TTN: variants seen among roughly 807,000 people sequenced by gnomAD.
The protein encoded by TTN is titin.
A neutral mutation model predicts 3,223.0 loss-of-function variants in TTN; 1,525 were observed. That is an observed-to-expected ratio of 0.47 (90% CI 0.45 to 0.49). The LOEUF (loss-of-function observed/expected upper bound fraction) is 0.49. TTN is among the 20% of genes least tolerant of loss of function. The probability of loss-of-function intolerance (pLI) is 0.00; values close to 1 mark genes in which losing one functional copy is unlikely to be tolerated. For synonymous variants in TTN, 14,094 were observed against 15,161.0 expected, an observed-to-expected ratio of 0.93 and a Z score of 5.17; for missense variants, 40,786 against 43,424.0, an observed-to-expected ratio of 0.94 and a Z score of 5.40.
rs761971680 is a variant in TTN, at chr2:178,548,702, G to T, written c.92924C>A (p.Thr30975Lys). ...CACAGTGAGGGTGCTGAAGGAATCTGTTGTATGGATATCAGCCCGAAGGCT... is the reference window on the plus strand; with the variant it reads ...CACAGTGAGGGTGCTGAAGGAATCTTTTGTATGGATATCAGCCCGAAGGCT... ...NLSLRADIHT[T>K]DSFSTLTVEN... Residue 30975 changes from threonine (T) to lysine (K), a missense_variant, in exon 339 of 363, where the codon ACA becomes AAA. Physicochemically the swap from Thr to Lys is moderately conservative, Grantham distance 78 (BLOSUM62 -1). Transcript: ENST00000589042. The surrounding 1 kb of genome is among the most constrained non-coding windows in gnomAD (Gnocchi z 4.3). 8.1e-6 allele frequency: 13 copies of T among 1,613,754 alleles called. No homozygotes were observed. The Admixed American group carries it at 1.0e-4, about 12-fold the overall frequency.
Position 178,746,793 on chromosome 2 carries a change from T to C in TTN, c.11312-4872A>G. The C allele has an allele frequency of 2.5e-6, 4 of 1,613,396 alleles. No individual in the cohort carries two copies. The highest frequency in any genetic ancestry group is 3.4e-6 in the Non-Finnish European group (4 of 1,179,562). On this transcript the variant is annotated intron_variant, in intron 47 of 362. Coordinates refer to ENST00000589042, the MANE Select transcript of TTN (RefSeq NM_001267550.2). ...ACTGGAAGACCTTCAACTTCAACAA[T>C]GAAGCCTAGTGTTGTGTTTTCATAT...
chr2:178,729,486 C>T lies in TTN; in HGVS notation c.18670G>A (p.Gly6224Arg), dbSNP rs2154307306. The stretch of plus-strand genomic sequence containing the variant: ...CAAGTGACTTCAAACGGAGGTGTTC[C>T]CGTAACTTCACACTCCAGCTCCACG... Reference protein sequence around the residue: ...SDVELECEVTGTPPFEVTWLK... With the variant: ...SDVELECEVTRTPPFEVTWLK... The change falls in exon 64 of 363, where the codon GGA (glycine) becomes AGA (arginine). Residue 6224 changes from glycine to arginine, a missense_variant. By Grantham distance (125) the Gly-to-Arg change is moderately radical. Transcript: ENST00000589042. 1 of 1,613,578 alleles carries T rather than the reference C, an allele frequency of 6.2e-7. No individual in the cohort carries two copies. The highest frequency in any genetic ancestry group is 8.5e-7 in the Non-Finnish European group (1 of 1,179,636).
In TTN at chr2:178,607,514, G is replaced by A; in HGVS notation, c.53174C>T (p.Thr17725Ile). Residue 17725 changes from threonine (T) to isoleucine (I), a missense_variant, in exon 277 of 363, where the codon ACC becomes ATC. Coordinates refer to ENST00000589042, the MANE Select transcript of TTN (RefSeq NM_001267550.2). ...ATCCTTGATAATTAGTTCAGATTTG[G>A]TTCCAACGTTGTCTATTACAACACG... ...KDRVVIDNVG[T>I]KSELIIKDAL... is the part of the protein sequence containing the mutation. The A allele has an allele frequency of 6.2e-7, 1 of 1,613,178 alleles. No homozygotes were observed. The highest frequency in any genetic ancestry group is 1.7e-5 in the Admixed American group (1 of 59,974).
chr2:178,769,211 C>T (rs899765494), intron 37 of TTN, among the ~76,000 whole-genome samples: 5 of 151,400 alleles, frequency 3.3e-5, no homozygotes, highest in Non-Finnish European at 7.4e-5. Flanking sequence ...GATACTAGTG[C>T]TTTACTCAGT....
intron 354 of TTN, 54 bp from the exon 355 acceptor site, chr2:178,537,971 C>T: frequency 7.0e-7 from 1 of 1,424,762 alleles, no homozygotes; most frequent in Non-Finnish European, 9.4e-7. Context: ...ATCTGTAATC[C>T]TTTGTCCTTG....
At chr2:178,789,589 TG>T in intron 12 of TTN, 92 bp from the exon 13 acceptor site, 1 of 1,529,584 alleles carries the variant, frequency 6.5e-7, no homozygotes, top group East Asian at 2.3e-5. Context: ...GGATGCAAGA[TG>T]GTTATTCAGG....
intron 45 of TTN, 47 bp from the exon 46 acceptor site, chr2:178,756,844 G>A: frequency 6.4e-7 from 1 of 1,550,478 alleles, no homozygotes; most frequent in South Asian, 1.2e-5. Flanking sequence ...TAAGATCTAA[G>A]CTTTGTCACT....
In TTN at chr2:178,597,581, A is replaced by G. The variant is rs780536141; in HGVS notation, c.57501T>C (p.Asn19167=). 7 of 1,612,676 alleles carry G rather than the reference A, an allele frequency of 4.3e-6. No individual in the cohort carries two copies. The African/African-American group carries it at 8.0e-5, about 18-fold the overall frequency. Residue 19167 remains asparagine, a synonymous_variant, in exon 294 of 363, where the codon AAT becomes AAC. Transcript: ENST00000589042. ...HQGVYSLLAK[N]EAGERKKTII... ...TTGTCTTCTTTCTTTCTCCGGCTTC[A>G]TTTTTGGCAAGAAGAGAATAGACGC...
intron 49 of TTN, 49 bp downstream of exon 49, chr2:178,738,030 GACA>G: frequency 5.1e-6 from 8 of 1,575,788 alleles, no homozygotes; most frequent in African/African-American, 2.7e-5. Flanking sequence ...AAGCAAAAAG[GACA>G]ACAATATGAA....
intron 213 of TTN, among the ~76,000 whole-genome samples, chr2:178,648,945 T>C (rs1234429758): frequency 6.6e-6 from 1 of 152,172 alleles, no homozygotes; most frequent in Non-Finnish European, 1.5e-5. Context: ...ATTTTTCTAA[T>C]ATGATGTCTT....
intron 336 of TTN, 67 bp from the exon 337 acceptor site, chr2:178,550,340 T>C: frequency 1.5e-6 from 2 of 1,335,298 alleles, no homozygotes; most frequent in Non-Finnish European, 2.0e-6. Context: ...ATATATATTT[T>C]TCAGTAGTGC....
chr2:178,746,313 C>T lies in TTN; in HGVS notation c.11312-4392G>A, dbSNP rs564963420. 6.2e-6 allele frequency: 10 copies of T among 1,612,468 alleles called. No individual in the cohort carries two copies. The highest frequency in any genetic ancestry group is 8.5e-6 in the Non-Finnish European group (10 of 1,179,462). On this transcript the variant is annotated intron_variant, in intron 47 of 362. Coordinates refer to ENST00000589042, the MANE Select transcript of TTN (RefSeq NM_001267550.2). ...ATTTTTAGTTCTTTGTCTTCTCCCT[C>T]CCTTGAATCCATATTTGGATCTACA...
rs1433829695 is a variant in TTN at position 178,636,056 on chromosome 2, T to C, written c.41515A>G (p.Ile13839Val). 3.7e-6 allele frequency: 6 copies of C among 1,613,218 alleles called. No homozygotes were observed. Among genetic ancestry groups the C allele is most frequent in the Non-Finnish European group, 4.2e-6 (5 of 1,179,542 alleles). Residue 13839 changes from isoleucine (I) to valine (V), a missense_variant, in exon 226 of 363, where the codon ATC (isoleucine) becomes GTC (valine). Physicochemically the swap from Ile to Val is conservative, Grantham distance 29 (BLOSUM62 3). Coordinates refer to ENST00000589042, the MANE Select transcript of TTN (RefSeq NM_001267550.2). The surrounding 1 kb of genome is among the most constrained non-coding windows in gnomAD (Gnocchi z 4.3). ...GVIGLMRALT[I>V]NDADDTDAGT... ...GCATCTGTGTCATCTGCATCGTTGATGGTCAGAGCCCGCATCAAGCCAATG... is the reference window on the plus strand; with the variant it reads ...GCATCTGTGTCATCTGCATCGTTGACGGTCAGAGCCCGCATCAAGCCAATG...
In TTN at chr2:178,702,210, C is replaced by G; in HGVS notation, c.30469G>C (p.Gly10157Arg). The change falls in exon 108 of 363, where the codon GGT (glycine) becomes CGT (arginine). Residue 10157 changes from glycine (G) to arginine (R), a missense_variant. Physicochemically the swap from Gly to Arg is moderately radical, Grantham distance 125. Coordinates refer to ENST00000589042, the MANE Select transcript of TTN (RefSeq NM_001267550.2). Reference protein sequence around the residue: ...YSVIARLEPRGEARSTAELYL... With the variant: ...YSVIARLEPRREARSTAELYL... ...AGCTCTGCCGTGCTTCTTGCTTCAC[C>G]TCTTGGCTCCAGCCGAGCGATGACC... is the stretch of plus-strand genomic sequence containing the variant. 3 of 1,614,012 alleles carry G rather than the reference C, an allele frequency of 1.9e-6. No individual in the cohort carries two copies. Among genetic ancestry groups the G allele is most frequent in the Non-Finnish European group, 2.5e-6 (3 of 1,179,898 alleles).
chr2:178,668,886 A>G (rs1423421654), intron 159 of TTN, among the ~76,000 whole-genome samples: 1 of 151,274 alleles, frequency 6.6e-6, no homozygotes, highest in Non-Finnish European at 1.5e-5. Context: ...CCCCCCAAAA[A>G]AAAAGGTCGT....
intron 273 of TTN, 41 bp downstream of exon 273, chr2:178,609,167 A>G (rs747062815): frequency 1.8e-5 from 26 of 1,449,580 alleles, no homozygotes; most frequent in Non-Finnish European, 2.3e-5. Flanking sequence ...ATGTTTTACT[A>G]AAACCTTTTT....
intron 4 of TTN, 24 bp downstream of exon 4, chr2:178,800,371 T>C (rs531121047): frequency 8.1e-6 from 13 of 1,613,968 alleles, no homozygotes; most frequent in Non-Finnish European, 1.1e-5. Context: ...CCCTTCTCTC[T>C]GTTCCTCAAC....
chr2:178,630,115 A>G (rs905157032), intron 239 of TTN, 126 bp downstream of exon 239: 30 of 1,369,276 alleles, frequency 2.2e-5, no homozygotes, highest in African/African-American at 2.9e-5. Flanking sequence ...TGGCAAATAC[A>G]AGAGAGCCAG....
chr2:178,641,127 T>C, intron 220 of TTN, 114 bp downstream of exon 220: 1 of 696,646 alleles, frequency 1.4e-6, no homozygotes, highest in Admixed American at 3.3e-5. Flanking sequence ...ACATCACAGA[T>C]GAAATATGAA....
Sources: gnomAD v4.1 joint callset for allele counts (sites outside exome capture counted in the v4.1 genomes callset) on GRCh38, gnomAD v4.1.1 for gene constraint, Gnocchi (gnomAD v3.1) non-coding constraint, MANE v1.5 for transcripts, NCBI Gene and HGNC (gene_info 2026-07-23, HGNC 2026-07-21) for gene names.